PAPPA: variants seen among roughly 807,000 people sequenced by gnomAD.
The protein encoded by PAPPA is pappalysin 1.
Under a neutral mutation model 164.0 loss-of-function variants are expected in PAPPA, and 60 were observed. The ratio of observed to expected loss-of-function variants is 0.37; its 90% CI spans 0.30 to 0.45. The LOEUF (loss-of-function observed/expected upper bound fraction) is 0.45, where lower values mean the gene tolerates loss of function less well. Ranked by LOEUF, PAPPA falls within the 20% of genes least tolerant of loss-of-function variation. PAPPA has a pLI of 1.00. For synonymous variants in PAPPA, 875 were observed against 814.1 expected (o/e 1.07, Z -1.27); for missense variants, 1,782 against 2,087.3 (o/e 0.85, Z 2.85).
chr9:116,304,916 T>A (rs1845624855), intron 10 of PAPPA, among the ~76,000 whole-genome samples: 1 of 152,058 alleles, frequency 6.6e-6, no homozygotes, highest in Admixed American at 6.5e-5. Flanking sequence ...AAATTTGCCA[T>A]AATGAGATCA....
chr9:116,384,980 T>A (rs1272470606), intron 21 of PAPPA, among the ~76,000 whole-genome samples: 2 of 152,108 alleles, frequency 1.3e-5, no homozygotes, highest in African/African-American at 4.8e-5. Flanking sequence ...CAGAGAACTT[T>A]CCAAAATGGA....
At chr9:116,395,406 A>C (rs1846949751) in intron 21 of PAPPA, among the ~76,000 whole-genome samples, 1 of 152,224 alleles carries the variant, frequency 6.6e-6, no homozygotes, top group Non-Finnish European at 1.5e-5. Flanking sequence ...CTACGTGACC[A>C]CTTGGAGACC....
intron 2 of PAPPA, among the ~76,000 whole-genome samples, chr9:116,193,496 A>G (rs1844068318): frequency 6.6e-6 from 1 of 152,120 alleles, no homozygotes; most frequent in Admixed American, 6.6e-5. Context: ...GGGGAGACTA[A>G]GCCCTCAAGG....
At chr9:116,378,235 A>C (rs1437740359) in intron 20 of PAPPA, among the ~76,000 whole-genome samples, 1 of 152,180 alleles carries the variant, frequency 6.6e-6, no homozygotes, top group Non-Finnish European at 1.5e-5. Flanking sequence ...GCCATTCCTT[A>C]CAGCTTGGAA....
intron 21 of PAPPA, among the ~76,000 whole-genome samples, chr9:116,389,413 G>A (rs995272459): frequency 2.0e-5 from 3 of 152,014 alleles, no homozygotes; most frequent in African/African-American, 7.2e-5. Flanking sequence ...ACACCTCAAT[G>A]CAAAGACATA....
Position 116,398,731 on chromosome 9 carries a change from G to T in PAPPA, c.*2115G>T, listed in dbSNP as rs866396491. The T allele has an allele frequency of 6.1e-5, 28 of 457,256 alleles. No homozygotes were observed. The Middle Eastern group carries it at 9.7e-4, about 16-fold the overall frequency. 28.3% of individuals were successfully genotyped at this position (457,256 alleles called of 1,614,324 possible). On this transcript the variant is annotated 3_prime_UTR_variant, in exon 22 of 22. Coordinates refer to ENST00000328252, the MANE Select transcript of PAPPA (RefSeq NM_002581.5). ...AATTGGGTTCCATATTGGCAAGGCTGCCACAGTTGTTAAGAATAATCCTCT... is the reference window on the plus strand; with the variant it reads ...AATTGGGTTCCATATTGGCAAGGCTTCCACAGTTGTTAAGAATAATCCTCT...
chr9:116,287,334 C>T (rs1462516863), intron 9 of PAPPA: 9 of 152,156 alleles, frequency 5.9e-5, no homozygotes, highest in Admixed American at 5.9e-4. Flanking sequence ...ATTAGCCCTT[C>T]TGGGGGTGGG....
At chr9:116,301,172 G>A (rs1685846313) in intron 9 of PAPPA, among the ~76,000 whole-genome samples, 1 of 152,046 alleles carries the variant, frequency 6.6e-6, no homozygotes, top group African/African-American at 2.4e-5. Context: ...ATCCTGATTT[G>A]CCTGAGAAAT....
intron 9 of PAPPA, among the ~76,000 whole-genome samples, chr9:116,278,357 A>G (rs947686172): frequency 4.6e-5 from 7 of 152,214 alleles, no homozygotes; most frequent in Non-Finnish European, 1.0e-4. Flanking sequence ...GAGACTTCAG[A>G]GTTTGTCTGT....
At chr9:116,206,637 G>A (rs1844239142) in intron 2 of PAPPA, among the ~76,000 whole-genome samples, 1 of 152,152 alleles carries the variant, frequency 6.6e-6, no homozygotes, top group African/African-American at 2.4e-5. Context: ...TCCCCCAGGT[G>A]GCCACAAGTG....
intron 1 of PAPPA, among the ~76,000 whole-genome samples, chr9:116,161,896 A>G (rs1038920691): frequency 1.3e-5 from 2 of 152,188 alleles, no homozygotes; most frequent in African/African-American, 2.4e-5. Flanking sequence ...CACAGGAGGA[A>G]GTGAAGTCTC....
intron 20 of PAPPA, among the ~76,000 whole-genome samples, chr9:116,378,665 T>C (rs1400032672): frequency 6.6e-6 from 1 of 152,218 alleles, no homozygotes; most frequent in African/African-American, 2.4e-5. Context: ...GGGAAGGCTC[T>C]TAATTTGATC....
intron 19 of PAPPA, among the ~76,000 whole-genome samples, chr9:116,374,241 GGTA>G (rs34340032): frequency 0.051 from 7,678 of 151,324 alleles, 223 homozygotes; most frequent in East Asian, 0.081. Context: ...TGATGATGAT[GGTA>G]ATTGCAACCA....
At chr9:116,345,411 A>T (rs1368128656) in intron 14 of PAPPA, among the ~76,000 whole-genome samples, 1 of 148,426 alleles carries the variant, frequency 6.7e-6, no homozygotes, top group African/African-American at 2.5e-5. Flanking sequence ...ACAGGCATGG[A>T]TAGTATGTGG....
At chr9:116,335,096 C>T (rs1195481595) in intron 13 of PAPPA, 22 bp downstream of exon 13, 17 of 1,585,754 alleles carry the variant, frequency 1.1e-5, no homozygotes, top group Non-Finnish European at 1.4e-5. Context: ...GCGGCAGACT[C>T]GCCCTAGGCC....
rs1204262125 is a variant in PAPPA, at chr9:116,347,752, G to A, written c.3964+543G>A. Among the ~76,000 whole-genome samples the A allele has an allele frequency of 6.6e-6, 1 of 152,190 alleles. No homozygotes were observed. The highest frequency in any genetic ancestry group is 1.5e-5 in the Non-Finnish European group (1 of 68,032). On this transcript the variant is annotated intron_variant, in intron 15 of 21. Transcript: ENST00000328252. This position sits in a 1 kb window ranked among gnomAD's most constrained non-coding sequence, Gnocchi z 4.5. ...AGAGGGGCCAGCTGGGCAGAGAAGA[G>A]CAGATATGGACAGGAAGCATCTGGC...
intron 1 of PAPPA, among the ~76,000 whole-genome samples, chr9:116,165,467 T>G (rs558245810): frequency 1.7e-4 from 26 of 152,314 alleles, no homozygotes; most frequent in Non-Finnish European, 2.9e-5. Flanking sequence ...CCTGCTTCCT[T>G]ATAATGTTTA....
At chr9:116,285,170 T>TC (rs1491388690) in intron 9 of PAPPA, among the ~76,000 whole-genome samples, 1 of 109,812 alleles carries the variant, frequency 9.1e-6, no homozygotes, top group East Asian at 3.0e-4. Flanking sequence ...TTTCTTTCTT[T>TC]CTTTTTTTTT....
chr9:116,184,046 A>G (rs940757734), intron 1 of PAPPA, among the ~76,000 whole-genome samples: 12 of 152,312 alleles, frequency 7.9e-5, no homozygotes, highest in African/African-American at 2.9e-4. Context: ...AGAGAGAGGG[A>G]AAAAGGATCT....
Sources: gnomAD v4.1 joint callset for allele counts (sites outside exome capture counted in the v4.1 genomes callset) on GRCh38, gnomAD v4.1.1 for gene constraint, Gnocchi (gnomAD v3.1) non-coding constraint, MANE v1.5 for transcripts, NCBI Gene and HGNC (gene_info 2026-07-23, HGNC 2026-07-21) for gene names.